The following SPAG9 variants were observed in gnomAD, a reference collection of about 807,000 sequenced individuals.
The protein encoded by SPAG9 is C-Jun-amino-terminal kinase-interacting protein 4.
A neutral mutation model predicts 166.5 loss-of-function variants in SPAG9; 35 were observed. That is an observed-to-expected ratio of 0.21 (90% CI 0.16 to 0.28). The LOEUF (loss-of-function observed/expected upper bound fraction) is 0.28. Ranked by LOEUF, SPAG9 falls within the 10% of genes least tolerant of loss-of-function variation. The probability of loss-of-function intolerance (pLI) is 1.00; values close to 1 mark genes in which losing one functional copy is unlikely to be tolerated. For missense variants in SPAG9, 1,235 were observed against 1,603.3 expected (o/e 0.77, Z 3.92); for synonymous variants, 534 against 565.5 (o/e 0.94, Z 0.79).
At chr17:50,990,875 T>G in intron 19 of SPAG9, 1 of 527,420 alleles carries the variant, frequency 1.9e-6, no homozygotes, top group East Asian at 3.3e-5. Flanking sequence ...TTAACACAAG[T>G]GCAAATAAAC....
intron 29 of SPAG9, among the ~76,000 whole-genome samples, chr17:50,967,474 C>T (rs1359137931): frequency 6.6e-6 from 1 of 152,196 alleles, no homozygotes; most frequent in East Asian, 1.9e-4. Flanking sequence ...GGCCTTTTCA[C>T]AGCAATATCA....
chr17:50,987,351 T>A (rs1175269199), intron 21 of SPAG9, 114 bp from the exon 22 acceptor site: 1 of 961,026 alleles, frequency 1.0e-6, no homozygotes, highest in East Asian at 2.9e-5. Flanking sequence ...TATTTATTTA[T>A]TTTTTAGAGA....
At chr17:51,040,332 A>C (rs1041935557) in intron 5 of SPAG9, 1 of 152,162 alleles carries the variant, frequency 6.6e-6, no homozygotes, top group African/African-American at 2.4e-5. Flanking sequence ...GCTTCTAACA[A>C]ATTGGGGCAA....
chr17:50,967,695 G>A lies in SPAG9; in HGVS notation c.3851-1308C>T, dbSNP rs77955401. On this transcript the variant is annotated intron_variant, in intron 29 of 29. Transcript: ENST00000262013. ...GTAAGAAAATTATCCTGTCTGCTAG[G>A]GTCTCTACAGCCTAAGTTTTAAGTT... Among the ~76,000 whole-genome samples the A allele has an allele frequency of 3.5e-4, 54 of 152,122 alleles. No individual in the cohort carries two copies. In the East Asian group the frequency reaches 9.8e-3, roughly 28 times the overall value.
chr17:51,068,850 T>C (rs1250528264), intron 2 of SPAG9, among the ~76,000 whole-genome samples: 1 of 152,124 alleles, frequency 6.6e-6, no homozygotes, highest in Non-Finnish European at 1.5e-5. Flanking sequence ...AGCTTCTCAA[T>C]AGACAACACT....
intron 10 of SPAG9, 44 bp from the exon 11 acceptor site, chr17:51,006,281 C>G: frequency 6.3e-7 from 1 of 1,576,134 alleles, no homozygotes; most frequent in Non-Finnish European, 8.7e-7. Context: ...AATAAATATT[C>G]TTTCCATCTT....
At position 50,990,546 on chromosome 17, in the gene SPAG9, C is replaced by T; in HGVS notation, c.2521G>A (p.Gly841Ser). 1 of 1,614,204 alleles carries T rather than the reference C, an allele frequency of 6.2e-7. No individual in the cohort carries two copies. The highest frequency in any genetic ancestry group is 8.5e-7 in the Non-Finnish European group (1 of 1,180,034). Residue 841 changes from glycine (G) to serine (S), a missense_variant, in exon 20 of 30, where the codon GGC becomes AGC. Coordinates refer to ENST00000262013, the MANE Select transcript of SPAG9 (RefSeq NM_001130528.3). ...SSAETDSLLG[G>S]ITVVGCSAEG... ...GCAGAACAACCAACCACTGTGATGC[C>T]TCCTAACAGGCTGTCTGTCTCTGCT...
At position 51,077,533 on chromosome 17, in the gene SPAG9, C is replaced by T. The variant is rs72826435; in HGVS notation, c.424+2051G>A. Among the ~76,000 whole-genome samples, 489 of 152,280 alleles carry T rather than the reference C, an allele frequency of 3.2e-3. 2 individuals are homozygous for T. The highest frequency in any genetic ancestry group is 6.3e-3 in the Non-Finnish European group (426 of 68,028). On this transcript the variant is annotated intron_variant, in intron 2 of 29. Transcript: ENST00000262013. ...TTCAACTCTTGAAATGTACCAAAAGCTTGCAATTGCCACAAGACCATTTCT... is the reference window on the plus strand; with the variant it reads ...TTCAACTCTTGAAATGTACCAAAAGTTTGCAATTGCCACAAGACCATTTCT...
chr17:51,015,648 T>A lies in SPAG9; in HGVS notation c.1092-1295A>T, dbSNP rs116105862. 6.3e-3 allele frequency among the ~76,000 whole-genome samples: 954 copies of A among 150,734 alleles called. 8 individuals carry two copies. The highest frequency in any genetic ancestry group is 0.022 in the African/African-American group (907 of 41,042). On this transcript the variant is annotated intron_variant, in intron 8 of 29. Coordinates refer to ENST00000262013, the MANE Select transcript of SPAG9 (RefSeq NM_001130528.3). The stretch of plus-strand genomic sequence containing the variant: ...ACAAAGCACTTAATTTTCTTCAGAA[T>A]AAATGTTGCATTCGTAAAATAGCAA...
intron 1 of SPAG9, among the ~76,000 whole-genome samples, chr17:51,105,795 G>A (rs1333134518): frequency 5.3e-5 from 8 of 151,660 alleles, no homozygotes; most frequent in Non-Finnish European, 7.4e-5. Context: ...GCGTGAACCC[G>A]GGAGATGGAG....
intron 5 of SPAG9, among the ~76,000 whole-genome samples, chr17:51,037,685 A>ATATATATATATATATATGT: frequency 1.2e-5 from 1 of 83,492 alleles, no homozygotes; most frequent in Non-Finnish European, 2.6e-5. Context: ...ATATATATAT[A>ATATATATATATATATATGT]GTGTGTGTGT....
At chr17:50,998,964 G>A (rs1029351124) in intron 14 of SPAG9, among the ~76,000 whole-genome samples, 2 of 152,278 alleles carry the variant, frequency 1.3e-5, no homozygotes, top group Admixed American at 6.5e-5. Flanking sequence ...AGGTAAGAGC[G>A]ATTGTTAAAC....
rs1974463572 is a variant in SPAG9, at chr17:50,979,834, G to A, written c.3321C>T (p.Arg1107=). 4 of 1,614,054 alleles carry A rather than the reference G, an allele frequency of 2.5e-6. No individual in the cohort carries two copies. In the African/African-American group the frequency reaches 5.3e-5, roughly 22 times the overall value. Residue 1107 remains arginine (R), a synonymous_variant, in exon 26 of 30, where the codon CGC becomes CGT. Coordinates refer to ENST00000262013, the MANE Select transcript of SPAG9 (RefSeq NM_001130528.3). ...GATAGAGACGGAGCGTAGAATCCAA[G>A]CGAATGGAGACCCACACGCCATCCC... ...WVGDGVWVSI[R]LDSTLRLYHA...
chr17:50,975,926 G>A, intron 27 of SPAG9: 4 of 1,526,216 alleles, frequency 2.6e-6, no homozygotes, highest in South Asian at 1.2e-5. Flanking sequence ...GAGGAAAGGG[G>A]ACATGGAGAG....
At chr17:51,055,998 A>C (rs1482610997) in intron 3 of SPAG9, among the ~76,000 whole-genome samples, 1 of 152,218 alleles carries the variant, frequency 6.6e-6, no homozygotes, top group African/African-American at 2.4e-5. Flanking sequence ...AATGCAAATA[A>C]GTCCTTTACA....
intron 1 of SPAG9, among the ~76,000 whole-genome samples, chr17:51,112,133 C>T (rs957163204): frequency 2.6e-5 from 4 of 152,144 alleles, no homozygotes; most frequent in South Asian, 2.1e-4. Context: ...ATCCCACTCC[C>T]GCCAGAAAAC....
chr17:51,104,644 A>G (rs1455960792), intron 1 of SPAG9, among the ~76,000 whole-genome samples: 1 of 151,878 alleles, frequency 6.6e-6, no homozygotes, highest in Non-Finnish European at 1.5e-5. Flanking sequence ...CTCAAAAATA[A>G]ATAAATAGGC....
At chr17:51,060,408 C>A (rs1201151430) in intron 2 of SPAG9, among the ~76,000 whole-genome samples, 4 of 150,260 alleles carry the variant, frequency 2.7e-5, no homozygotes, top group African/African-American at 9.8e-5. Flanking sequence ...GAGGCTGAGG[C>A]AGGAGGATCG....
intron 25 of SPAG9, among the ~76,000 whole-genome samples, chr17:50,981,459 T>C (rs1974599290): frequency 6.6e-6 from 1 of 150,784 alleles, no homozygotes; most frequent in South Asian, 2.1e-4. Flanking sequence ...GCTAATTAGA[T>C]AGATATAAAC....
Sources: allele counts gnomAD v4.1 joint callset (sites outside exome capture counted in the v4.1 genomes callset), GRCh38; gene constraint gnomAD v4.1.1; transcripts MANE v1.5; gene names NCBI Gene and HGNC (gene_info 2026-07-23, HGNC 2026-07-21).